DCAF1: variants seen among roughly 807,000 people sequenced by gnomAD.
The protein encoded by DCAF1 is DDB1- and CUL4-associated factor 1.
A neutral mutation model predicts 128.0 loss-of-function variants in DCAF1; 15 were observed. That is an observed-to-expected ratio of 0.12 (90% CI 0.08 to 0.18). The LOEUF is 0.18. Ranked by LOEUF, DCAF1 falls within the 10% of genes least tolerant of loss-of-function variation. The pLI, the probability that DCAF1 is intolerant of heterozygous loss-of-function variation, is 1.00. For missense variants in DCAF1, 988 were observed against 1,649.5 expected, an observed-to-expected ratio of 0.60 and a Z score of 6.95; for synonymous variants, 610 against 603.0, an observed-to-expected ratio of 1.01 and a Z score of -0.17.
chr3:51,412,039 G>A (rs1173535518), intron 23 of DCAF1, among the ~76,000 whole-genome samples: 2 of 148,584 alleles, frequency 1.3e-5, no homozygotes, highest in Non-Finnish European at 1.5e-5. Flanking sequence ...CTTGAACCCA[G>A]GAGGCAGAGA....
At chr3:51,501,208 AG>A (rs1708790816), upstream of DCAF1, among the ~76,000 whole-genome samples, 1 of 152,182 alleles carries the variant, frequency 6.6e-6, no homozygotes, top group South Asian at 2.1e-4. Context: ...AAAAATCAAA[AG>A]CTCATAGATT....
chr3:51,492,151 C>T (rs1247024717), intron 2 of DCAF1, among the ~76,000 whole-genome samples: 1 of 148,804 alleles, frequency 6.7e-6, no homozygotes, highest in Non-Finnish European at 1.5e-5. Context: ...GAGCAAGACC[C>T]GTCTCAAAAA....
rs1553632778 is a variant in DCAF1 at position 51,422,371 on chromosome 3, G to C, written c.1908C>G (p.Ile636Met). The C allele has an allele frequency of 2.7e-6, 2 of 752,848 alleles. No homozygotes were observed. Among genetic ancestry groups the C allele is most frequent in the Non-Finnish European group, 2.5e-6 (1 of 404,028 alleles). The allele number at this position is 752,848 out of a possible 1,614,324, so 46.6% of individuals were successfully genotyped here. The change falls in exon 14 of 25, where the codon ATC becomes ATG. Residue 636 changes from isoleucine (I) to methionine (M), a missense_variant. Physicochemically the swap from Ile to Met is conservative, Grantham distance 10. Coordinates refer to ENST00000684031, the MANE Select transcript of DCAF1 (RefSeq NM_001387579.1). ...CCACTGATTCTGCCAACTGGAGCTG[G>C]ATTTTTGGCACCACAGTAAGAATAG... ...VLAILTVVPK[I>M]QLQLAESVDV... is the part of the protein sequence containing the mutation.
Position 51,418,131 on chromosome 3 carries a change from G to T in DCAF1, c.3503C>A (p.Ser1168Ter). The T allele has an allele frequency of 6.2e-7, 1 of 1,612,230 alleles. No individual in the cohort carries two copies. Among genetic ancestry groups the T allele is most frequent in the South Asian group, 1.1e-5 (1 of 90,432 alleles). ...QPLSALWGMKSVFDMKHSFTE... is the reference protein window; with the variant it reads ...QPLSALWGMK ...AGATACATACTTCATATCAAATACT[G>T]ACTTCATTCCCCAAAGTGCAGACAA... Residue 1168 changes from serine (S) to a stop codon, truncating the protein, a stop_gained, in exon 17 of 25, where the codon TCA becomes TAA. Transcript: ENST00000684031. LOFTEE classifies it high-confidence loss of function.
At chr3:51,460,998 T>C (rs1447475127) in intron 6 of DCAF1, among the ~76,000 whole-genome samples, 9 of 152,126 alleles carry the variant, frequency 5.9e-5, no homozygotes, top group Non-Finnish European at 1.0e-4. Context: ...GACACAGGCA[T>C]GGGCAAGGAC....
At chr3:51,414,094 C>T in intron 19 of DCAF1, 51 bp from the exon 20 acceptor site, 1 of 1,506,692 alleles carries the variant, frequency 6.6e-7, no homozygotes, top group Non-Finnish European at 8.9e-7. Flanking sequence ...CTTATCTAAT[C>T]TCATGGGAGG....
chr3:51,442,875 A>G (rs560680446), intron 7 of DCAF1, among the ~76,000 whole-genome samples: 3 of 152,294 alleles, frequency 2.0e-5, no homozygotes, highest in Admixed American at 2.0e-4. Context: ...GTGGGAAATG[A>G]ACGATAGGGA....
At chr3:51,404,389 C>T (rs781972637) in intron 23 of DCAF1, among the ~76,000 whole-genome samples, 1 of 152,130 alleles carries the variant, frequency 6.6e-6, no homozygotes, top group Non-Finnish European at 1.5e-5. Context: ...AACGTAAGCA[C>T]AAAAAAATTT....
At chr3:51,469,781 G>A (rs1048517950) in intron 4 of DCAF1, among the ~76,000 whole-genome samples, 5 of 152,072 alleles carry the variant, frequency 3.3e-5, no homozygotes, top group Admixed American at 3.3e-4. Flanking sequence ...AGCACTTTGG[G>A]AGGTGGAGGC....
intron 7 of DCAF1, 130 bp from the exon 8 acceptor site, chr3:51,442,027 T>C (rs923598298): frequency 4.0e-6 from 5 of 1,243,824 alleles, no homozygotes; most frequent in East Asian, 4.7e-5. Flanking sequence ...TAGCAACAAT[T>C]TGATAAATGC....
chr3:51,402,914 CAATCTCTACTTG>C (rs1231093570), intron 24 of DCAF1, among the ~76,000 whole-genome samples: 1 of 152,136 alleles, frequency 6.6e-6, no homozygotes, highest in Non-Finnish European at 1.5e-5. Flanking sequence ...AAAAGTCTGC[CAATCTCTACTTG>C]AAAGATAAGA....
chr3:51,479,459 C>T (rs534281686), intron 3 of DCAF1, among the ~76,000 whole-genome samples: 21 of 151,914 alleles, frequency 1.4e-4, no homozygotes, highest in South Asian at 6.2e-4. Context: ...CCCGAGATCA[C>T]GCCACTACAC....
intron 20 of DCAF1, 45 bp downstream of exon 20, chr3:51,413,905 G>A (rs1698649694): frequency 8.4e-6 from 12 of 1,421,544 alleles, no homozygotes; most frequent in Non-Finnish European, 9.3e-6. Flanking sequence ...TAAGTGAAGG[G>A]GTAGAGCAAA....
At chr3:51,430,763 C>A (rs775723604) in intron 10 of DCAF1, among the ~76,000 whole-genome samples, 1 of 152,128 alleles carries the variant, frequency 6.6e-6, no homozygotes, top group Non-Finnish European at 1.5e-5. Context: ...CAAAAGACTA[C>A]CTATCTTGCA....
Position 51,416,940 on chromosome 3 carries a change from A to C in DCAF1, c.3519-69T>G. The C allele has an allele frequency of 3.2e-6, 5 of 1,546,696 alleles. No homozygotes were observed. In the South Asian group the frequency reaches 6.0e-5, roughly 18 times the overall value. ...ACATATTCCTGCAACCAACTGAAAC[A>C]CAGGTGACCCCCAGCCTCTTGCACA... On this transcript the variant is annotated intron_variant, in intron 17 of 24. Transcript: ENST00000684031.
In DCAF1 at chr3:51,419,787, T is replaced by C; in HGVS notation, c.3183A>G (p.Pro1061=). 1 of 1,614,004 alleles carries C rather than the reference T, an allele frequency of 6.2e-7. No homozygotes were observed. The highest frequency in any genetic ancestry group is 1.1e-5 in the South Asian group (1 of 91,080). ...TSRLNRRASF[P]KYGGVDGGCF... ...ATCCGCCATCCACCCCTCCATACTT[T>C]GGAAATGATGCCCTGCGGTTTAGCC... The change falls in exon 15 of 25, where the codon CCA becomes CCG. Residue 1061 remains proline (P), a synonymous_variant. Transcript: ENST00000684031.
intron 17 of DCAF1, 146 bp from the exon 18 acceptor site, chr3:51,417,017 T>C: frequency 7.7e-7 from 1 of 1,301,830 alleles, no homozygotes; most frequent in Non-Finnish European, 1.0e-6. Context: ...AATCATACAC[T>C]TAGATTACAA....
At chr3:51,411,860 C>T (rs961105970) in intron 23 of DCAF1, among the ~76,000 whole-genome samples, 2 of 151,912 alleles carry the variant, frequency 1.3e-5, no homozygotes, top group Non-Finnish European at 2.9e-5. Context: ...TTATACTCCA[C>T]GCACTCTGAG....
Position 51,398,673 on chromosome 3 carries a change from C to A in DCAF1, c.*96G>T. Reference sequence around the variant, plus strand: ...GCAGGGCATGCAGCTCCTTAAAAGACAGACAGCCCTGGGAGAAAGAGAAGG... The same window carrying A: ...GCAGGGCATGCAGCTCCTTAAAAGAAAGACAGCCCTGGGAGAAAGAGAAGG... On this transcript the variant is annotated 3_prime_UTR_variant, in exon 25 of 25. Transcript: ENST00000684031. The A allele has an allele frequency of 6.7e-7, 1 of 1,490,246 alleles. No homozygotes were observed. The highest frequency in any genetic ancestry group is 9.0e-7 in the Non-Finnish European group (1 of 1,107,618). The allele number at this position is 1,490,246 out of a possible 1,614,324, so 92.3% of individuals were successfully genotyped here.
Sources: allele counts gnomAD v4.1 joint callset (sites outside exome capture counted in the v4.1 genomes callset), GRCh38; gene constraint gnomAD v4.1.1; transcripts MANE v1.5; gene names NCBI Gene and HGNC (gene_info 2026-07-23, HGNC 2026-07-21).